Variants in CDK19 observed in about 807,000 individuals in gnomAD.
CDK19 encodes the protein cyclin-dependent kinase 19.
Under a neutral mutation model 68.3 loss-of-function variants are expected in CDK19, and 20 were observed. That is an observed-to-expected ratio of 0.29 (90% CI 0.21 to 0.43). The LOEUF (loss-of-function observed/expected upper bound fraction) is 0.43. CDK19 is among the 20% of genes least tolerant of loss of function. CDK19 has a pLI of 1.00. For synonymous variants in CDK19, 221 were observed against 222.8 expected (o/e 0.99, Z 0.07); for missense variants, 339 against 623.5 (o/e 0.54, Z 4.86).
rs78749277 is a variant in CDK19, at chr6:110,815,239, T to A, written c.-103A>T. 3 of 1,148,828 alleles carry A rather than the reference T, an allele frequency of 2.6e-6. No homozygotes were observed. The highest frequency in any genetic ancestry group is 3.3e-6 in the Non-Finnish European group (3 of 913,194). The allele number at this position is 1,148,828 out of a possible 1,614,324, so 71.2% of individuals were successfully genotyped here. A position where few individuals can be genotyped will look rare whatever the true frequency, so the allele number is the denominator to read the frequency against. On this transcript the variant is annotated 5_prime_UTR_variant, in exon 1 of 13. Transcript: ENST00000368911. ...CCGCTCCACTTCTCCAACAGCCGCC[T>A]CTCGCGCGCGCGCGCGCGCCGCCCG...
At chr6:110,653,574 T>G (rs1330885404) in intron 4 of CDK19, among the ~76,000 whole-genome samples, 1 of 152,142 alleles carries the variant, frequency 6.6e-6, no homozygotes, top group East Asian at 1.9e-4. Context: ...TTGGTTACCA[T>G]AGAAACAGTA....
intron 3 of CDK19, among the ~76,000 whole-genome samples, chr6:110,670,181 A>G (rs1362946410): frequency 2.0e-5 from 3 of 152,148 alleles, no homozygotes; most frequent in Admixed American, 1.3e-4. Flanking sequence ...CCGGGCCAAA[A>G]AAAGTATAGT....
rs117925082 is a variant in CDK19, at chr6:110,647,058, T to C, written c.457-8352A>G. ...TGCTTCACCCACCACGACCCGACAC[T>C]ATTTCTGCGCTGTCTACACCCTCCT... On this transcript the variant is annotated intron_variant, in intron 4 of 12. Transcript: ENST00000368911. Among the ~76,000 whole-genome samples the C allele has an allele frequency of 2.6e-5, 4 of 151,514 alleles. No homozygotes were observed. The East Asian group carries it at 7.8e-4, about 30-fold the overall frequency.
intron 2 of CDK19, among the ~76,000 whole-genome samples, chr6:110,735,111 CT>C (rs71733873): frequency 0.16 from 23,233 of 145,786 alleles, 1,963 homozygotes; most frequent in East Asian, 0.32. Flanking sequence ...TTTTAATCTT[CT>C]TTTTTTTTTT....
chr6:110,710,978 G>A lies in CDK19; in HGVS notation c.204+35148C>T, dbSNP rs13219326. ...GCCGCAACTGATCTAATCTCATATC[G>A]TCTATAATAAGAGCTTACAATCAGT... On this transcript the variant is annotated intron_variant, in intron 2 of 12. Coordinates refer to ENST00000368911, the MANE Select transcript of CDK19 (RefSeq NM_015076.5). 6.4e-3 allele frequency among the ~76,000 whole-genome samples: 973 copies of A among 152,170 alleles called. 9 individuals carry two copies. Among genetic ancestry groups the A allele is most frequent in the Middle Eastern group, 0.014 (4 of 294 alleles).
chr6:110,799,576 A>C (rs535490990), intron 1 of CDK19, among the ~76,000 whole-genome samples: 3 of 151,840 alleles, frequency 2.0e-5, no homozygotes, highest in Admixed American at 2.0e-4. Flanking sequence ...TATTTGCATT[A>C]TTTTTTATTG....
intron 4 of CDK19, among the ~76,000 whole-genome samples, chr6:110,644,359 C>T (rs997343756): frequency 1.3e-5 from 2 of 150,796 alleles, no homozygotes; most frequent in Admixed American, 6.6e-5. Flanking sequence ...TTACCAGAGG[C>T]GGGGAAGGGT....
intron 1 of CDK19, among the ~76,000 whole-genome samples, chr6:110,812,766 A>T (rs1337774333): frequency 6.6e-6 from 1 of 150,610 alleles, no homozygotes; most frequent in Non-Finnish European, 1.5e-5. Flanking sequence ...CCATGATCGG[A>T]GTGTAAAATC....
intron 1 of CDK19, among the ~76,000 whole-genome samples, chr6:110,790,035 A>G (rs929036628): frequency 6.6e-6 from 1 of 152,190 alleles, no homozygotes; most frequent in South Asian, 2.1e-4. Context: ...AGAAAAACCA[A>G]TATATAGCTA....
chr6:110,769,505 C>T (rs1028750877), intron 1 of CDK19, among the ~76,000 whole-genome samples: 2 of 148,756 alleles, frequency 1.3e-5, no homozygotes, highest in African/African-American at 5.0e-5. Context: ...CTGGAGGTTG[C>T]AATGAGCTGA....
chr6:110,670,848 T>C (rs1562180755), intron 2 of CDK19: 2 of 460,962 alleles, frequency 4.3e-6, no homozygotes, highest in Admixed American at 2.9e-5. Context: ...TGGTAAAATG[T>C]AAAACAGCAA....
intron 1 of CDK19, among the ~76,000 whole-genome samples, chr6:110,769,151 T>TC (rs1779805195): frequency 5.8e-5 from 2 of 34,384 alleles, no homozygotes; most frequent in Non-Finnish European, 1.0e-4. Context: ...AGACTCTGTC[T>TC]CAAAAAAAAA....
rs760585879 is a variant in CDK19, at chr6:110,610,720, C to G, written c.*3815G>C. ...TGCCATTTCACTGCCTTTCTCTACT[C>G]CCTAGGAAGACATCATCATAGAGTT... On this transcript the variant is annotated 3_prime_UTR_variant, in exon 13 of 13. Transcript: ENST00000368911. 6.6e-6 allele frequency: 1 copy of G among 152,108 alleles called. No individual in the cohort carries two copies. Among genetic ancestry groups the G allele is most frequent in the Non-Finnish European group, 1.5e-5 (1 of 68,002 alleles). The allele number at this position is 152,108 out of a possible 1,614,324, so 9.4% of individuals were successfully genotyped here.
chr6:110,622,348 T>A (rs921765010), intron 10 of CDK19, among the ~76,000 whole-genome samples, 182 bp from the exon 11 acceptor site: 1 of 152,242 alleles, frequency 6.6e-6, no homozygotes, highest in Admixed American at 6.5e-5. Flanking sequence ...TTCTCTATAC[T>A]AACTTCATTA....
rs1295779019 is a variant in CDK19 at position 110,815,276 on chromosome 6, T to C, written c.-140A>G. On this transcript the variant is annotated 5_prime_UTR_variant, in exon 1 of 13. Coordinates refer to ENST00000368911, the MANE Select transcript of CDK19 (RefSeq NM_015076.5). ...GCGCGCGCCGCCCGCCGCCCGCCGC[T>C]CCGCGGTCCGCCTTCAGCAAGGGAC... The C allele has an allele frequency of 1.1e-5, 11 of 964,802 alleles. No homozygotes were observed. The African/African-American group carries it at 1.4e-4, about 13-fold the overall frequency. The allele number at this position is 964,802 out of a possible 1,614,324, so 59.8% of individuals were successfully genotyped here.
chr6:110,623,166 A>T, intron 9 of CDK19, 124 bp downstream of exon 9: 1 of 807,764 alleles, frequency 1.2e-6, no homozygotes, highest in South Asian at 1.8e-5. Context: ...CAACAAAAAA[A>T]ATATTTAATT....
Position 110,724,022 on chromosome 6 carries a change from A to G in CDK19, c.204+22104T>C, listed in dbSNP as rs527774747. ...AAACATACCAACATTCTTAAAAAAA[A>G]AAAAAAAACTAGTTTAAAAGAAAGT... On this transcript the variant is annotated intron_variant, in intron 2 of 12. Coordinates refer to ENST00000368911, the MANE Select transcript of CDK19 (RefSeq NM_015076.5). 6.6e-5 allele frequency among the ~76,000 whole-genome samples: 10 copies of G among 152,274 alleles called. No individual in the cohort carries two copies. In the South Asian group the frequency reaches 1.0e-3, roughly 16 times the overall value.
rs61558536 is a variant in CDK19 at position 110,651,232 on chromosome 6, A to ACTATCTATCTATCTATCTAT, written c.457-12546_457-12527dup. Among the ~76,000 whole-genome samples, 692 of 149,926 alleles carry ACTATCTATCTATCTATCTAT rather than the reference A, an allele frequency of 4.6e-3. 2 individuals are homozygous for ACTATCTATCTATCTATCTAT. The highest frequency in any genetic ancestry group is 0.012 in the African/African-American group (484 of 40,634). On this transcript the variant is annotated intron_variant, in intron 4 of 12. Transcript: ENST00000368911. ...ATTTTTAAATAGTTGAAATAGATCT[A>ACTATCTATCTATCTATCTAT]CTATCTATCTATCTATCTATCTATC...
intron 1 of CDK19, among the ~76,000 whole-genome samples, chr6:110,782,766 C>G (rs1403253363): frequency 6.6e-6 from 1 of 152,158 alleles, no homozygotes; most frequent in African/African-American, 2.4e-5. Context: ...AGGTTAAACA[C>G]CAAATTCTAT....
Sources: allele counts gnomAD v4.1 joint callset (sites outside exome capture counted in the v4.1 genomes callset), GRCh38; gene constraint gnomAD v4.1.1; transcripts MANE v1.5; gene names NCBI Gene and HGNC (gene_info 2026-07-23, HGNC 2026-07-21).